Variants in TMEM200A observed in about 807,000 individuals in gnomAD.
The protein encoded by TMEM200A is transmembrane protein 200A, also known as two transmembrane C.
In TMEM200A, 12 loss-of-function variants were observed where a neutral mutation model predicts 24.3. The observed-to-expected ratio is 0.49, with a 90% confidence interval of 0.32 to 0.80. The LOEUF (loss-of-function observed/expected upper bound fraction) is 0.80, where lower values mean the gene tolerates loss of function less well. TMEM200A is among the 30% of genes least tolerant of loss of function. The pLI, the probability that TMEM200A is intolerant of heterozygous loss-of-function variation, is 0.04. For synonymous variants in TMEM200A, 224 were observed against 224.4 expected (o/e 1.00, Z 0.02); for missense variants, 545 against 614.4 (o/e 0.89, Z 1.19).
chr6:130,436,485 CAA>C (rs11462643), intron 2 of TMEM200A, among the ~76,000 whole-genome samples: 16 of 114,744 alleles, frequency 1.4e-4, no homozygotes, highest in Non-Finnish European at 1.7e-4. Flanking sequence ...CAGCATTGAC[CAA>C]AAAAAAAAAA....
chr6:130,435,631 T>C (rs1441760217), intron 2 of TMEM200A, among the ~76,000 whole-genome samples: 1 of 152,208 alleles, frequency 6.6e-6, no homozygotes, highest in Non-Finnish European at 1.5e-5. Context: ...GCTTTGGAAG[T>C]CAGATTTATA....
At chr6:130,436,964 C>A (rs540270136) in intron 2 of TMEM200A, among the ~76,000 whole-genome samples, 20 of 152,168 alleles carry the variant, frequency 1.3e-4, no homozygotes, top group Non-Finnish European at 2.9e-4. Flanking sequence ...CACTAGGCTC[C>A]TTATTGTGCA....
chr6:130,379,549 G>A (rs902466672), intron 1 of TMEM200A, among the ~76,000 whole-genome samples: 5 of 152,124 alleles, frequency 3.3e-5, no homozygotes, highest in African/African-American at 7.2e-5. Context: ...TACAAAAAAT[G>A]GTGGGGTTAA....
chr6:130,413,192 T>A (rs1463293798), intron 2 of TMEM200A, among the ~76,000 whole-genome samples: 1 of 152,194 alleles, frequency 6.6e-6, no homozygotes, highest in Non-Finnish European at 1.5e-5. Context: ...TAATCCCAAG[T>A]TTGTATTCTA....
intron 1 of TMEM200A, among the ~76,000 whole-genome samples, chr6:130,376,522 A>G (rs1778460592): frequency 1.3e-5 from 2 of 152,082 alleles, no homozygotes; most frequent in South Asian, 4.2e-4. Flanking sequence ...ATCTCACACA[A>G]TCCATCTGTC....
chr6:130,383,075 C>T, intron 1 of TMEM200A: 1 of 985,308 alleles, frequency 1.0e-6, no homozygotes, highest in Non-Finnish European at 1.2e-6. Flanking sequence ...TGGCCTACAT[C>T]TATTTGCTCA....
At chr6:130,422,850 C>T (rs1347855130) in intron 2 of TMEM200A, among the ~76,000 whole-genome samples, 3 of 152,146 alleles carry the variant, frequency 2.0e-5, no homozygotes, top group African/African-American at 7.2e-5. Flanking sequence ...TATTATATTT[C>T]TGGTATCTTG....
intron 2 of TMEM200A, among the ~76,000 whole-genome samples, chr6:130,387,048 A>G (rs897466079): frequency 3.9e-5 from 6 of 152,202 alleles, no homozygotes; most frequent in Non-Finnish European, 8.8e-5. Flanking sequence ...TTAATTATCA[A>G]TGCTAAGAGG....
At chr6:130,430,987 G>A (rs1310756604) in intron 2 of TMEM200A, among the ~76,000 whole-genome samples, 1 of 152,182 alleles carries the variant, frequency 6.6e-6, no homozygotes, top group Non-Finnish European at 1.5e-5. Flanking sequence ...TTTAGATGGT[G>A]ATTCTATCTT....
intron 2 of TMEM200A, among the ~76,000 whole-genome samples, chr6:130,427,392 A>G (rs1320455918): frequency 6.6e-6 from 1 of 152,192 alleles, no homozygotes; most frequent in Non-Finnish European, 1.5e-5. Context: ...AAATATCTGT[A>G]TAATATTCCA....
intron 2 of TMEM200A, among the ~76,000 whole-genome samples, chr6:130,405,760 T>C (rs1181701795): frequency 6.6e-6 from 1 of 152,190 alleles, no homozygotes; most frequent in African/African-American, 2.4e-5. Flanking sequence ...GTCCTCTCCC[T>C]ATGCTGGTTC....
At chr6:130,439,556 C>CA (rs2096014734) in intron 2 of TMEM200A, 1 of 152,208 alleles carries the variant, frequency 6.6e-6, no homozygotes, top group Admixed American at 6.5e-5. Flanking sequence ...AATTGAAACT[C>CA]AGGATATGAC....
intron 2 of TMEM200A, among the ~76,000 whole-genome samples, chr6:130,435,801 G>A (rs1433525663): frequency 6.6e-6 from 1 of 152,184 alleles, no homozygotes; most frequent in African/African-American, 2.4e-5. Flanking sequence ...AATAAGTCAC[G>A]GCCCTGCCCT....
intron 2 of TMEM200A, 99 bp from the exon 3 acceptor site, chr6:130,440,308 G>A (rs1780124353): frequency 7.9e-7 from 1 of 1,268,622 alleles, no homozygotes; most frequent in Non-Finnish European, 1.0e-6. Flanking sequence ...AACTGCAACA[G>A]CAACAAAAAT....
chr6:130,441,295 T>G lies in TMEM200A; in HGVS notation c.873T>G (p.Pro291=). The change falls in exon 3 of 3, where the codon CCT becomes CCG. Residue 291 remains proline (P), a synonymous_variant. Transcript: ENST00000296978. ...CGTCCATCAGTGCTTTTACATTGCC[T>G]GTGATCAAACTTAATAACTGTGTTA... ...VSSSISAFTL[P]VIKLNNCVID... 1 of 1,614,182 alleles carries G rather than the reference T, an allele frequency of 6.2e-7. No individual in the cohort carries two copies. Among genetic ancestry groups the G allele is most frequent in the African/African-American group, 1.3e-5 (1 of 75,060 alleles).
chr6:130,408,124 G>A (rs536531396), intron 2 of TMEM200A, among the ~76,000 whole-genome samples: 4 of 152,122 alleles, frequency 2.6e-5, no homozygotes, highest in Non-Finnish European at 4.4e-5. Flanking sequence ...AAAGTGCCCC[G>A]TAGTGCACAA....
intron 1 of TMEM200A, among the ~76,000 whole-genome samples, chr6:130,375,768 A>G (rs533236082): frequency 6.6e-6 from 1 of 152,256 alleles, no homozygotes; most frequent in South Asian, 2.1e-4. Context: ...GCTCTTTTGG[A>G]GCATGATGTT....
chr6:130,367,672 T>C (rs1399450779), intron 1 of TMEM200A, among the ~76,000 whole-genome samples: 1 of 152,250 alleles, frequency 6.6e-6, no homozygotes, highest in East Asian at 1.9e-4. Context: ...GTAGTTGTAG[T>C]TTCATTCTTT....
intron 2 of TMEM200A, among the ~76,000 whole-genome samples, chr6:130,432,081 C>G (rs973831771): frequency 6.6e-6 from 1 of 152,110 alleles, no homozygotes; most frequent in Non-Finnish European, 1.5e-5. Context: ...CTTAAACTTG[C>G]CACAGAATTA....
Sources: gnomAD v4.1 joint callset for allele counts (sites outside exome capture counted in the v4.1 genomes callset) on GRCh38, gnomAD v4.1.1 for gene constraint, MANE v1.5 for transcripts, NCBI Gene and HGNC (gene_info 2026-07-23, HGNC 2026-07-21) for gene names.